ZFHX4: variants seen among roughly 807,000 people sequenced by gnomAD.
ZFHX4 encodes zinc finger homeobox protein 4.
In ZFHX4, 56 loss-of-function variants were observed where a neutral mutation model predicts 267.6. The ratio of observed to expected loss-of-function variants is 0.21; its 90% CI spans 0.17 to 0.26. The LOEUF (loss-of-function observed/expected upper bound fraction) is 0.26. Ranked by LOEUF, ZFHX4 falls within the 10% of genes least tolerant of loss-of-function variation. The pLI, the probability that ZFHX4 is intolerant of heterozygous loss-of-function variation, is 1.00. For synonymous variants in ZFHX4, 1,778 were observed against 1,665.6 expected, an observed-to-expected ratio of 1.07 and a Z score of -1.64; for missense variants, 4,332 against 4,420.0, an observed-to-expected ratio of 0.98 and a Z score of 0.56.
At chr8:76,816,994 TAAAC>T (rs1356198528) in intron 4 of ZFHX4, among the ~76,000 whole-genome samples, 1 of 152,122 alleles carries the variant, frequency 6.6e-6, no homozygotes, top group African/African-American at 2.4e-5. Flanking sequence ...CAGTGAGATG[TAAAC>T]AAACAGTTTG....
chr8:76,807,520 T>C (rs887141280), intron 4 of ZFHX4, among the ~76,000 whole-genome samples: 7 of 152,104 alleles, frequency 4.6e-5, no homozygotes, highest in African/African-American at 1.7e-4. Flanking sequence ...CAGACAGCTC[T>C]GTATAGTGAA....
intron 8 of ZFHX4, 32 bp downstream of exon 8, chr8:76,849,744 C>A: frequency 6.4e-7 from 1 of 1,571,042 alleles, no homozygotes; most frequent in Non-Finnish European, 8.7e-7. Flanking sequence ...GCATGTGTGA[C>A]ATAATCTGTG....
In ZFHX4 at chr8:76,852,617, G is replaced by T; in HGVS notation, c.5696G>T (p.Arg1899Leu). 6.2e-7 allele frequency: 1 copy of T among 1,612,396 alleles called. No individual in the cohort carries two copies. Among genetic ancestry groups the T allele is most frequent in the Non-Finnish European group, 8.5e-7 (1 of 1,179,058 alleles). Reference sequence around the variant, plus strand: ...TTGGAACCATCCATCCCACCACCCCGAATAGCTTCAGGGGCCAGAGGAAAT... The same window carrying T: ...TTGGAACCATCCATCCCACCACCCCTAATAGCTTCAGGGGCCAGAGGAAAT... ...KSLEPSIPPP[R>L]IASGARGNAA... The change falls in exon 10 of 11, where the codon CGA becomes CTA. Residue 1899 changes from arginine (R) to leucine (L), a missense_variant. Arg to Leu is a moderately radical substitution (Grantham distance 102, BLOSUM62 -2). Coordinates refer to ENST00000651372, the MANE Select transcript of ZFHX4 (RefSeq NM_024721.5).
Position 76,720,386 on chromosome 8 carries a change from A to G in ZFHX4, c.3093+12338A>G, listed in dbSNP as rs554143780. ...ATTACCAAATTTTCATTGCATAGGT[A>G]TAGTACACTTTATTTATACCCCATT... On this transcript the variant is annotated intron_variant, in intron 3 of 10. Coordinates refer to ENST00000651372, the MANE Select transcript of ZFHX4 (RefSeq NM_024721.5). Among the ~76,000 whole-genome samples the G allele has an allele frequency of 2.0e-5, 3 of 152,276 alleles. No individual in the cohort carries two copies. The South Asian group carries it at 6.2e-4, about 32-fold the overall frequency.
Position 76,704,247 on chromosome 8 carries a change from G to T in ZFHX4, c.159G>T (p.Thr53=), listed in dbSNP as rs751341224. The part of the protein sequence containing the change: ...ENSSTDDNLK[T]DERKSEALLG... Reference sequence around the variant, plus strand: ...GCTCCACAGATGACAACCTGAAAACGGATGAGCGCAAAAGTGAAGCCTTGC... The same window carrying T: ...GCTCCACAGATGACAACCTGAAAACTGATGAGCGCAAAAGTGAAGCCTTGC... Residue 53 remains threonine (T), a synonymous_variant, in exon 2 of 11, where the codon ACG becomes ACT. Transcript: ENST00000651372. 6.2e-7 allele frequency: 1 copy of T among 1,613,978 alleles called. No individual in the cohort carries two copies. The highest frequency in any genetic ancestry group is 1.1e-5 in the South Asian group (1 of 91,080).
Position 76,851,066 on chromosome 8 carries a change from A to G in ZFHX4, c.4145A>G (p.Gln1382Arg), listed in dbSNP as rs1327481713. 6.2e-7 allele frequency: 1 copy of G among 1,613,956 alleles called. No individual in the cohort carries two copies. The highest frequency in any genetic ancestry group is 2.2e-5 in the East Asian group (1 of 44,868). ...CTGCAAGATCAATTAAATGAACAGC[A>G]AAAAAGGCAACCGCTCTCTGTTTCT... Reference protein sequence around the residue: ...DTLQDQLNEQQKRQPLSVSDR... With the variant: ...DTLQDQLNEQRKRQPLSVSDR... The change falls in exon 10 of 11, where the codon CAA becomes CGA. Residue 1382 changes from glutamine (Q) to arginine (R), a missense_variant. Transcript: ENST00000651372.
intron 3 of ZFHX4, among the ~76,000 whole-genome samples, chr8:76,739,221 T>G (rs754014600): frequency 9.9e-5 from 15 of 152,168 alleles, no homozygotes; most frequent in Non-Finnish European, 1.6e-4. Flanking sequence ...ATGTTACATT[T>G]GATTGTGGTT....
rs933157926 is a variant in ZFHX4 at position 76,813,275 on chromosome 8, G to A, written c.3326-20063G>A. ...TGGATTTTACTAAACTTTTCTAAAGGCACCTTTTTCCCCGGTACAGTCTCG... is the reference window on the plus strand; with the variant it reads ...TGGATTTTACTAAACTTTTCTAAAGACACCTTTTTCCCCGGTACAGTCTCG... On this transcript the variant is annotated intron_variant, in intron 4 of 10. Coordinates refer to ENST00000651372, the MANE Select transcript of ZFHX4 (RefSeq NM_024721.5). Among the ~76,000 whole-genome samples, 5 of 152,066 alleles carry A rather than the reference G, an allele frequency of 3.3e-5. No individual in the cohort carries two copies. The East Asian group carries it at 7.7e-4, about 24-fold the overall frequency.
At chr8:76,762,566 G>A (rs1809943691) in intron 3 of ZFHX4, among the ~76,000 whole-genome samples, 1 of 152,074 alleles carries the variant, frequency 6.6e-6, no homozygotes, top group Non-Finnish European at 1.5e-5. Flanking sequence ...TGCCATAAAA[G>A]CAAATGAATA....
chr8:76,713,980 A>G (rs1400190975), intron 3 of ZFHX4, among the ~76,000 whole-genome samples: 1 of 152,032 alleles, frequency 6.6e-6, no homozygotes, highest in Admixed American at 6.6e-5. Context: ...AACAGAGTCA[A>G]TTTGGCACCC....
chr8:76,860,530 A>G (rs992000139), intron 10 of ZFHX4, among the ~76,000 whole-genome samples: 10 of 152,066 alleles, frequency 6.6e-5, no homozygotes, highest in African/African-American at 2.4e-4. Context: ...TTAAATTTTC[A>G]TGTCGGAGAC....
rs554347209 is a variant in ZFHX4, at chr8:76,794,460, T to C, written c.3325+16021T>C. On this transcript the variant is annotated intron_variant, in intron 4 of 10. Transcript: ENST00000651372. ...TGCTTTGGAAAGTTCTCTTTCATGT[T>C]TGACCACAGATTTCTTTTGCTCTGT... Among the ~76,000 whole-genome samples the C allele has an allele frequency of 1.3e-4, 20 of 152,300 alleles. No individual in the cohort carries two copies. The South Asian group carries it at 4.1e-3, about 32-fold the overall frequency.
chr8:76,779,826 G>A lies in ZFHX4; in HGVS notation c.3325+1387G>A, dbSNP rs1452563844. ...ACGAACCTATAAAGATATTTCATATGTGCGTTTTAGTTTTTATTTTACTGC... is the reference window on the plus strand; with the variant it reads ...ACGAACCTATAAAGATATTTCATATATGCGTTTTAGTTTTTATTTTACTGC... On this transcript the variant is annotated intron_variant, in intron 4 of 10. Transcript: ENST00000651372. Among the ~76,000 whole-genome samples, 5 of 152,074 alleles carry A rather than the reference G, an allele frequency of 3.3e-5. 1 individual carries two copies. The East Asian group carries it at 7.7e-4, about 23-fold the overall frequency.
chr8:76,745,609 T>G (rs934926480), intron 3 of ZFHX4, among the ~76,000 whole-genome samples: 5 of 152,094 alleles, frequency 3.3e-5, no homozygotes, highest in African/African-American at 7.2e-5. Flanking sequence ...TCATCTTAAT[T>G]TTTTCCCTAA....
chr8:76,834,253 G>A (rs913963663), intron 5 of ZFHX4: 5 of 311,044 alleles, frequency 1.6e-5, no homozygotes, highest in Non-Finnish European at 2.6e-5. Context: ...TAAATGCCAA[G>A]GAGTACAATT....
chr8:76,694,810 C>A (rs892375695), intron 1 of ZFHX4, among the ~76,000 whole-genome samples: 2 of 149,728 alleles, frequency 1.3e-5, no homozygotes, highest in Admixed American at 1.3e-4. Flanking sequence ...AAAATTTTTC[C>A]TCAGATTTTC....
chr8:76,836,022 C>A (rs1241889930), intron 5 of ZFHX4, among the ~76,000 whole-genome samples: 1 of 151,994 alleles, frequency 6.6e-6, no homozygotes, highest in Non-Finnish European at 1.5e-5. Context: ...GACATCACAC[C>A]GTAGACTTAG....
At chr8:76,819,726 G>A (rs1811598710) in intron 4 of ZFHX4, among the ~76,000 whole-genome samples, 2 of 152,144 alleles carry the variant, frequency 1.3e-5, no homozygotes, top group Non-Finnish European at 2.9e-5. Flanking sequence ...GGGTGCCGTG[G>A]AACAAATGAA....
chr8:76,858,686 T>C (rs1812793441), intron 10 of ZFHX4, among the ~76,000 whole-genome samples: 1 of 152,216 alleles, frequency 6.6e-6, no homozygotes, highest in East Asian at 1.9e-4. Context: ...TTTCCCATGA[T>C]CATTTTCTAC....
Sources: allele counts gnomAD v4.1 joint callset (sites outside exome capture counted in the v4.1 genomes callset), GRCh38; gene constraint gnomAD v4.1.1; transcripts MANE v1.5; gene names NCBI Gene and HGNC (gene_info 2026-07-23, HGNC 2026-07-21).